HERC1: variants seen among roughly 807,000 people sequenced by gnomAD.
The protein encoded by HERC1 is HECT and RLD domain containing E3 ubiquitin protein ligase family member 1, also known as probable E3 ubiquitin-protein ligase HERC1.
Under a neutral mutation model 554.3 loss-of-function variants are expected in HERC1, and 160 were observed. The observed-to-expected ratio is 0.29, with a 90% CI of 0.25 to 0.33. The LOEUF is 0.33. Ranked by LOEUF, HERC1 falls within the 10% of genes least tolerant of loss-of-function variation. HERC1 has a pLI of 1.00. For synonymous variants in HERC1, 2,175 were observed against 2,131.7 expected (o/e 1.02, Z -0.56); for missense variants, 4,919 against 5,918.5 (o/e 0.83, Z 5.54).
chr15:63,658,720 T>C lies in HERC1; in HGVS notation c.9425-2A>G. The C allele has an allele frequency of 1.2e-6, 2 of 1,605,542 alleles. No individual in the cohort carries two copies. The highest frequency in any genetic ancestry group is 1.7e-6 in the Non-Finnish European group (2 of 1,175,170). ...TCTTTTCTACGGAGCCATGGCAACC[T>C]GAAAAACATAATTCTGTTTTGTTCT... is the stretch of plus-strand genomic sequence containing the variant. On this transcript the variant is annotated splice_acceptor_variant, in intron 47 of 77. Transcript: ENST00000443617. LOFTEE classifies it high-confidence loss of function.
At chr15:63,610,669 C>G (rs914184808) in intron 77 of HERC1, among the ~76,000 whole-genome samples, 11 of 152,222 alleles carry the variant, frequency 7.2e-5, no homozygotes, top group African/African-American at 2.7e-4. Flanking sequence ...AGCCCAGGAG[C>G]AGAGCAGCAG....
chr15:63,715,688 C>T (rs1220802019), intron 22 of HERC1, among the ~76,000 whole-genome samples: 2 of 152,154 alleles, frequency 1.3e-5, no homozygotes, highest in Non-Finnish European at 1.5e-5. Flanking sequence ...AGCCAAATCA[C>T]TCAAAAGATA....
intron 16 of HERC1, among the ~76,000 whole-genome samples, chr15:63,728,529 A>G (rs2074131154): frequency 1.3e-5 from 2 of 151,982 alleles, no homozygotes; most frequent in African/African-American, 4.8e-5. Context: ...CAGTGGGGGA[A>G]CTTCAGGGGC....
At chr15:63,827,094 G>C (rs77328052) in intron 1 of HERC1, among the ~76,000 whole-genome samples, 212 of 152,118 alleles carry the variant, frequency 1.4e-3, no homozygotes, top group African/African-American at 4.8e-3. Flanking sequence ...AATGGTTGAA[G>C]AGGTTAAGAA....
At chr15:63,666,223 C>A (rs917013930) in intron 41 of HERC1, 73 bp from the exon 42 acceptor site, 1 of 1,401,184 alleles carries the variant, frequency 7.1e-7, no homozygotes, top group African/African-American at 1.5e-5. Flanking sequence ...AGAGTGTTTG[C>A]TATGATGCTC....
chr15:63,664,597 A>G lies in HERC1; in HGVS notation c.8556-3T>C, dbSNP rs1416053187. 6.2e-7 allele frequency: 1 copy of G among 1,612,152 alleles called. No homozygotes were observed. Among genetic ancestry groups the G allele is most frequent in the Admixed American group, 1.7e-5 (1 of 59,844 alleles). The stretch of plus-strand genomic sequence containing the variant: ...CTGTATGATCCAAATTATCAGGGCT[A>G]CAAGTGCAAGTGAGAAAGCAACACA... On this transcript the variant is annotated splice_polypyrimidine_tract_variant and splice_region_variant and intron_variant, in intron 42 of 77. Coordinates refer to ENST00000443617, the MANE Select transcript of HERC1 (RefSeq NM_003922.4).
At chr15:63,827,526 A>G (rs1195326483) in intron 1 of HERC1, among the ~76,000 whole-genome samples, 2 of 152,162 alleles carry the variant, frequency 1.3e-5, no homozygotes, top group East Asian at 3.8e-4. Flanking sequence ...AAAAAGTGCA[A>G]AAGAGTATAG....
At position 63,689,649 on chromosome 15, in the gene HERC1, G is replaced by A. The variant is rs1281197406; in HGVS notation, c.5988C>T (p.Pro1996=). The A allele has an allele frequency of 6.3e-7, 1 of 1,589,996 alleles. No homozygotes were observed. Among genetic ancestry groups the A allele is most frequent in the Admixed American group, 1.8e-5 (1 of 56,656 alleles). ...GAATAGCATGTTTGGCCTGAGCAAT[G>A]GGTGTCTCCCACATACAATCAGAGA... ...SLLSDCMWET[P]IAQAKHAIQI... Residue 1996 remains proline (P), a synonymous_variant, in exon 33 of 78, where the codon CCC becomes CCT. Coordinates refer to ENST00000443617, the MANE Select transcript of HERC1 (RefSeq NM_003922.4).
chr15:63,826,057 C>G (rs960741601), intron 1 of HERC1, among the ~76,000 whole-genome samples: 11 of 152,102 alleles, frequency 7.2e-5, no homozygotes, highest in Non-Finnish European at 1.0e-4. Flanking sequence ...AGCCACCACG[C>G]CCGGCCAAAT....
At chr15:63,790,774 TTTTC>T (rs1440427299) in intron 1 of HERC1, among the ~76,000 whole-genome samples, 1 of 150,686 alleles carries the variant, frequency 6.6e-6, no homozygotes, top group Non-Finnish European at 1.5e-5. Context: ...CACAGTAGGG[TTTTC>T]TTTTTTTTTT....
chr15:63,803,309 C>T (rs1217939618), intron 1 of HERC1, among the ~76,000 whole-genome samples: 3 of 152,212 alleles, frequency 2.0e-5, no homozygotes, highest in Non-Finnish European at 4.4e-5. Flanking sequence ...AAGGTCACAA[C>T]TGCCAGTAAT....
At chr15:63,638,646 C>A in intron 62 of HERC1, 65 bp downstream of exon 62, 1 of 1,584,812 alleles carries the variant, frequency 6.3e-7, no homozygotes, top group Non-Finnish European at 8.7e-7. Context: ...GGCACAAACA[C>A]ACAAGCATTT....
At chr15:63,765,192 A>C (rs1405128807) in intron 2 of HERC1, among the ~76,000 whole-genome samples, 1 of 152,136 alleles carries the variant, frequency 6.6e-6, no homozygotes, top group Non-Finnish European at 1.5e-5. Context: ...GAAATACATA[A>C]TTCCACTATT....
chr15:63,744,164 G>GTGTGTC lies in HERC1; in HGVS notation c.2520+2753_2520+2754insGACACA. Among the ~76,000 whole-genome samples the GTGTGTC allele has an allele frequency of 4.4e-3, 204 of 46,158 alleles. 1 individual carries two copies. Among genetic ancestry groups the GTGTGTC allele is most frequent in the East Asian group, 0.019 (39 of 2,002 alleles). The allele number at this position is 46,158 out of a possible 152,430, so 30.3% of individuals were successfully genotyped here. ...TGTGTGTGTGTGTGTGTGTGTGTGTGTCTCTCTCTCTCTCTCTCTCTCTCT... is the reference window on the plus strand; with the variant it reads ...TGTGTGTGTGTGTGTGTGTGTGTGTGTGTGTCTCTCTCTCTCTCTCTCTCTCTCTCT... On this transcript the variant is annotated intron_variant, in intron 12 of 77. Transcript: ENST00000443617.
rs374953824 is a variant in HERC1, at chr15:63,628,819, G to C, written c.12967-4C>G. 2,424 of 1,610,592 alleles carry C rather than the reference G, an allele frequency of 1.5e-3. 2 individuals carry two copies. Among genetic ancestry groups the C allele is most frequent in the Non-Finnish European group, 1.8e-3 (2,148 of 1,178,616 alleles). ...GGTTGGTATGGCCTAAGCCGAGCTG[G>C]GAATAAATCACAAATATACAGACAT... On this transcript the variant is annotated splice_polypyrimidine_tract_variant and splice_region_variant and intron_variant, in intron 69 of 77. Transcript: ENST00000443617.
intron 69 of HERC1, 126 bp downstream of exon 69, chr15:63,630,340 T>C: frequency 1.0e-6 from 1 of 961,028 alleles, no homozygotes; most frequent in Non-Finnish European, 1.6e-6. Context: ...ATCAGTCCCA[T>C]AGCAAAGTGA....
At chr15:63,664,081 A>C (rs1216494311) in intron 43 of HERC1, among the ~76,000 whole-genome samples, 2 of 152,238 alleles carry the variant, frequency 1.3e-5, no homozygotes, top group Non-Finnish European at 2.9e-5. Context: ...AGAGCAGTAC[A>C]TCAGAAAAGC....
chr15:63,676,735 G>A (rs905605964), intron 37 of HERC1, among the ~76,000 whole-genome samples: 5 of 152,112 alleles, frequency 3.3e-5, no homozygotes, highest in Admixed American at 6.5e-5. Flanking sequence ...CAGCCTGGGC[G>A]ACAGAGCGAG....
chr15:63,638,965 T>G (rs60779579), intron 61 of HERC1, among the ~76,000 whole-genome samples, 189 bp from the exon 62 acceptor site: 1 of 152,138 alleles, frequency 6.6e-6, no homozygotes, highest in Non-Finnish European at 1.5e-5. Context: ...TTCCCTTTAT[T>G]ATAAACACTT....
Sources: allele counts gnomAD v4.1 joint callset (sites outside exome capture counted in the v4.1 genomes callset), GRCh38; gene constraint gnomAD v4.1.1; transcripts MANE v1.5; gene names NCBI Gene and HGNC (gene_info 2026-07-23, HGNC 2026-07-21).